Variants in LMAN2L observed in about 807,000 individuals in gnomAD.
The protein encoded by LMAN2L is VIP36-like protein.
A neutral mutation model predicts 44.3 loss-of-function variants in LMAN2L; 30 were observed. The observed-to-expected ratio is 0.68, with a 90% CI of 0.51 to 0.92. The LOEUF (loss-of-function observed/expected upper bound fraction) is 0.92, where lower values mean the gene tolerates loss of function less well. LMAN2L is among the 40% of genes least tolerant of loss of function. The probability of loss-of-function intolerance (pLI) is 0.00; values close to 1 mark genes in which losing one functional copy is unlikely to be tolerated. For missense variants in LMAN2L, 429 were observed against 446.1 expected, an observed-to-expected ratio of 0.96 and a Z score of 0.35; for synonymous variants, 183 against 171.1, an observed-to-expected ratio of 1.07 and a Z score of -0.54.
At chr2:96,732,351 A>G (rs572172376) in intron 4 of LMAN2L, among the ~76,000 whole-genome samples, 21 of 151,784 alleles carry the variant, frequency 1.4e-4, no homozygotes, top group African/African-American at 5.1e-4. Context: ...CACTGTCAAT[A>G]TAAGAAAGCA....
In LMAN2L at chr2:96,707,083, C is replaced by T. The variant is rs1188235321; in HGVS notation, c.*173G>A. 4 of 583,180 alleles carry T rather than the reference C, an allele frequency of 6.9e-6. No homozygotes were observed. Among genetic ancestry groups the T allele is most frequent in the Non-Finnish European group, 1.1e-5 (4 of 348,450 alleles). The allele number at this position is 583,180 out of a possible 1,614,324, so 36.1% of individuals were successfully genotyped here. A position where few individuals can be genotyped will look rare whatever the true frequency, so the allele number is the denominator to read the frequency against. ...TTCCCAGACCAGAGTTAGATGTCCC[C>T]ATGCACAACCATGGGAATGCGGGGT... is the stretch of plus-strand genomic sequence containing the variant. On this transcript the variant is annotated 3_prime_UTR_variant, in exon 8 of 8. Transcript: ENST00000264963.
intron 4 of LMAN2L, among the ~76,000 whole-genome samples, chr2:96,714,502 C>T (rs1321817170): frequency 6.6e-6 from 1 of 152,208 alleles, no homozygotes; most frequent in Non-Finnish European, 1.5e-5. Flanking sequence ...TAATCTTCAA[C>T]AACTACCATT....
intron 4 of LMAN2L, among the ~76,000 whole-genome samples, chr2:96,722,282 CTAT>C (rs1333932259): frequency 1.3e-5 from 2 of 151,984 alleles, no homozygotes; most frequent in African/African-American, 4.8e-5. Context: ...TACTTTATTT[CTAT>C]TATTATCACG....
chr2:96,708,042 C>T (rs561523268), intron 6 of LMAN2L, among the ~76,000 whole-genome samples: 1 of 152,364 alleles, frequency 6.6e-6, no homozygotes, highest in Admixed American at 6.5e-5. Context: ...TATCAACAAG[C>T]ATGCATTACC....
chr2:96,738,713 C>G (rs2078569000), intron 1 of LMAN2L, among the ~76,000 whole-genome samples: 2 of 151,786 alleles, frequency 1.3e-5, no homozygotes, highest in Non-Finnish European at 2.9e-5. Context: ...GTTTGACCCT[C>G]AGGCCTCCGG....
intron 6 of LMAN2L, among the ~76,000 whole-genome samples, chr2:96,711,181 C>T (rs2077907265): frequency 6.6e-6 from 1 of 152,140 alleles, no homozygotes. Context: ...GAGCACAGGT[C>T]TGAGTCAGCA....
intron 4 of LMAN2L, among the ~76,000 whole-genome samples, chr2:96,724,563 C>T (rs904504298): frequency 1.3e-5 from 2 of 152,100 alleles, no homozygotes; most frequent in Non-Finnish European, 2.9e-5. Context: ...TAGAGTGCAG[C>T]GATGCGATCG....
At chr2:96,716,944 C>T (rs1216552104) in intron 4 of LMAN2L, among the ~76,000 whole-genome samples, 1 of 152,122 alleles carries the variant, frequency 6.6e-6, no homozygotes, top group Non-Finnish European at 1.5e-5. Flanking sequence ...CAACTGAATA[C>T]AACACAGGAT....
At chr2:96,724,509 CT>C (rs1356099784) in intron 4 of LMAN2L, among the ~76,000 whole-genome samples, 2 of 152,096 alleles carry the variant, frequency 1.3e-5, no homozygotes, top group Non-Finnish European at 2.9e-5. Flanking sequence ...ATTTTTTTTA[CT>C]TTATTTCATT....
At chr2:96,722,295 G>A (rs562933713) in intron 4 of LMAN2L, among the ~76,000 whole-genome samples, 4 of 151,980 alleles carry the variant, frequency 2.6e-5, no homozygotes, top group Non-Finnish European at 4.4e-5. Context: ...TTATTATCAC[G>A]TTATAATATA....
chr2:96,726,224 CCTT>C (rs1277852162), intron 4 of LMAN2L, among the ~76,000 whole-genome samples: 2 of 150,408 alleles, frequency 1.3e-5, no homozygotes, highest in Non-Finnish European at 3.0e-5. Flanking sequence ...GATCTCGTAT[CCTT>C]CAACCTTGCT....
chr2:96,709,170 C>T (rs188064260), intron 6 of LMAN2L, among the ~76,000 whole-genome samples: 6 of 152,130 alleles, frequency 3.9e-5, no homozygotes, highest in Non-Finnish European at 7.4e-5. Context: ...ATCCACCTGC[C>T]GTGGCCTCCC....
At chr2:96,717,304 T>G (rs2078059062) in intron 4 of LMAN2L, among the ~76,000 whole-genome samples, 1 of 150,556 alleles carries the variant, frequency 6.6e-6, no homozygotes, top group African/African-American at 2.4e-5. Flanking sequence ...CTTTGGGAAA[T>G]GAAGGTGGGA....
At chr2:96,714,486 T>G (rs971273852) in intron 4 of LMAN2L, among the ~76,000 whole-genome samples, 1 of 152,246 alleles carries the variant, frequency 6.6e-6, no homozygotes, top group Non-Finnish European at 1.5e-5. Context: ...TAAACTGGCA[T>G]GAAGTTAATC....
intron 4 of LMAN2L, among the ~76,000 whole-genome samples, chr2:96,712,824 A>G (rs1412113836): frequency 6.6e-6 from 1 of 152,172 alleles, no homozygotes; most frequent in Non-Finnish European, 1.5e-5. Context: ...TGTAGGAGCA[A>G]TTCTTCCTTA....
chr2:96,728,189 A>C (rs2078309555), intron 4 of LMAN2L, among the ~76,000 whole-genome samples: 1 of 152,186 alleles, frequency 6.6e-6, no homozygotes, highest in African/African-American at 2.4e-5. Context: ...ATAAGATCTA[A>C]GAACTGAAAT....
intron 4 of LMAN2L, among the ~76,000 whole-genome samples, chr2:96,719,509 G>A (rs1341721869): frequency 1.3e-5 from 2 of 151,878 alleles, no homozygotes; most frequent in Non-Finnish European, 2.9e-5. Flanking sequence ...AGCACTTCGG[G>A]AGGCCAAGGG....
intron 4 of LMAN2L, among the ~76,000 whole-genome samples, chr2:96,726,951 G>T (rs1224073019): frequency 6.6e-6 from 1 of 151,982 alleles, no homozygotes; most frequent in Non-Finnish European, 1.5e-5. Context: ...AGGTGTGGTG[G>T]TGCACGTCTG....
chr2:96,716,114 C>T (rs1171425721), intron 4 of LMAN2L, among the ~76,000 whole-genome samples: 1 of 152,186 alleles, frequency 6.6e-6, no homozygotes, highest in African/African-American at 2.4e-5. Flanking sequence ...CACGAATTCC[C>T]AGACCACTGG....
Sources: allele counts gnomAD v4.1 joint callset (sites outside exome capture counted in the v4.1 genomes callset), GRCh38; gene constraint gnomAD v4.1.1; transcripts MANE v1.5; gene names NCBI Gene and HGNC (gene_info 2026-07-23, HGNC 2026-07-21).